The following NUP58 variants were observed in gnomAD, a reference collection of about 807,000 sequenced individuals.
NUP58 encodes the protein nucleoporin 58, also known as nucleoporin p58/p45.
Under a neutral mutation model 70.1 loss-of-function variants are expected in NUP58, and 17 were observed. That is an observed-to-expected ratio of 0.24 (90% CI 0.17 to 0.36). The LOEUF is 0.36. NUP58 is among the 10% of genes least tolerant of loss of function. The probability of loss-of-function intolerance (pLI) is 1.00; values close to 1 mark genes in which losing one functional copy is unlikely to be tolerated. For synonymous variants in NUP58, 275 were observed against 257.6 expected, an observed-to-expected ratio of 1.07 and a Z score of -0.65; for missense variants, 644 against 701.5, an observed-to-expected ratio of 0.92 and a Z score of 0.93.
downstream of NUP58, among the ~76,000 whole-genome samples, chr13:25,346,826 G>A (rs140163838): frequency 2.4e-3 from 367 of 151,864 alleles, 7 homozygotes; most frequent in East Asian, 0.055. Context: ...ATATGAATAT[G>A]GTTTATATTT....
At chr13:25,345,065 C>T (rs1012642239), downstream of NUP58, among the ~76,000 whole-genome samples, 3 of 152,326 alleles carry the variant, frequency 2.0e-5, no homozygotes, top group East Asian at 5.8e-4. Context: ...ATCACATCCC[C>T]ATTTATTGGG....
chr13:25,347,737 GT>G (rs984175313), intron 3 of NUP58, among the ~76,000 whole-genome samples: 18 of 152,140 alleles, frequency 1.2e-4, no homozygotes, highest in Middle Eastern at 3.2e-3. Flanking sequence ...AATGGAGCTT[GT>G]TTTTGTAGAT....
At chr13:25,314,231 C>T (rs1386962929) in intron 5 of NUP58, among the ~76,000 whole-genome samples, 4 of 152,132 alleles carry the variant, frequency 2.6e-5, no homozygotes, top group African/African-American at 9.7e-5. Context: ...CCGCACCCAG[C>T]CTATTAGCCA....
intron 9 of NUP58, 36 bp from the exon 10 acceptor site, chr13:25,324,953 C>CTTTTT: frequency 8.9e-7 from 1 of 1,117,730 alleles, no homozygotes; most frequent in East Asian, 2.5e-5. Flanking sequence ...TCTTAACTGG[C>CTTTTT]TTTTTTTTTT....
intron 9 of NUP58, among the ~76,000 whole-genome samples, chr13:25,322,240 T>C (rs1320712039): frequency 1.3e-5 from 2 of 152,248 alleles, no homozygotes; most frequent in African/African-American, 4.8e-5. Flanking sequence ...AGTGGTAGTA[T>C]TTTAAGTAAA....
chr13:25,342,873 G>A (rs1280995829), downstream of NUP58, among the ~76,000 whole-genome samples: 1 of 151,548 alleles, frequency 6.6e-6, no homozygotes, highest in Non-Finnish European at 1.5e-5. Flanking sequence ...TTGTGTTCTG[G>A]ACTTGTTCTT....
chr13:25,320,890 T>A (rs757865298), intron 8 of NUP58, 29 bp from the exon 9 acceptor site: 1 of 1,410,224 alleles, frequency 7.1e-7, no homozygotes, highest in African/African-American at 1.5e-5. Flanking sequence ...ATACATTTTT[T>A]AAAACTCAGT....
chr13:25,332,036 G>A, intron 13 of NUP58: 1 of 1,007,486 alleles, frequency 9.9e-7, no homozygotes, highest in Non-Finnish European at 1.2e-6. Flanking sequence ...ATTGACTGAA[G>A]GTATGTTGAA....
rs553700822 is a variant in NUP58 at position 25,326,623 on chromosome 13, C to G, written c.1032-293C>G. 2.0e-5 allele frequency among the ~76,000 whole-genome samples: 3 copies of G among 152,096 alleles called. No individual in the cohort carries two copies. In the East Asian group the frequency reaches 5.8e-4, roughly 29 times the overall value. ...TAACTTATAACTATAGTATAATTAC[C>G]AAGAACAGGAAACTAAAATTGTTAC... On this transcript the variant is annotated intron_variant, in intron 10 of 15. Coordinates refer to ENST00000381736, the MANE Select transcript of NUP58 (RefSeq NM_014089.4).
chr13:25,346,281 A>G (rs2032049136), downstream of NUP58, among the ~76,000 whole-genome samples: 1 of 152,162 alleles, frequency 6.6e-6, no homozygotes, highest in African/African-American at 2.4e-5. Flanking sequence ...TACAGGTGAG[A>G]AAACAGGCAC....
At chr13:25,349,526 T>C (rs2032083637) in intron 3 of NUP58, 1 of 152,620 alleles carries the variant, frequency 6.6e-6, no homozygotes, top group East Asian at 1.9e-4. Flanking sequence ...TATTAACTAT[T>C]GTCATAATAC....
rs1269658291 is a variant in NUP58 at position 25,337,000 on chromosome 13, G to T, written c.1500G>T (p.Leu500Phe). ...TCGGCTCAGGTATTGGCACTGGCTT[G>T]CAATCAAGTGGCTTAGGTTCTTCAA... is the stretch of plus-strand genomic sequence containing the variant. ...TPFGSGIGTG[L>F]QSSGLGSSNL... The change falls in exon 14 of 16, where the codon TTG (leucine) becomes TTT (phenylalanine). Residue 500 changes from leucine to phenylalanine, a missense_variant. Coordinates refer to ENST00000381736, the MANE Select transcript of NUP58 (RefSeq NM_014089.4). 2 of 1,607,506 alleles carry T rather than the reference G, an allele frequency of 1.2e-6. No individual in the cohort carries two copies. The highest frequency in any genetic ancestry group is 2.2e-5 in the South Asian group (2 of 90,380).
At chr13:25,309,690 T>C (rs1249615641) in intron 3 of NUP58, among the ~76,000 whole-genome samples, 3 of 152,154 alleles carry the variant, frequency 2.0e-5, no homozygotes, top group Non-Finnish European at 4.4e-5. Flanking sequence ...GGTATTGAAC[T>C]AATATCCAAA....
intron 4 of NUP58, 131 bp downstream of exon 4, chr13:25,313,163 A>G (rs771483320): frequency 3.7e-6 from 4 of 1,068,096 alleles, no homozygotes; most frequent in Admixed American, 2.8e-5. Context: ...TGAGCATTGA[A>G]GCAGGAGAGG....
rs544586544 is a variant in NUP58, at chr13:25,314,234, A to G, written c.574+483A>G. 1.5e-4 allele frequency among the ~76,000 whole-genome samples: 23 copies of G among 152,198 alleles called. No homozygotes were observed. The South Asian group carries it at 2.5e-3, about 17-fold the overall frequency. On this transcript the variant is annotated intron_variant, in intron 5 of 15. Coordinates refer to ENST00000381736, the MANE Select transcript of NUP58 (RefSeq NM_014089.4). The stretch of plus-strand genomic sequence containing the variant: ...AGGCGTAAGCCACCGCACCCAGCCT[A>G]TTAGCCATATTTTAGAAATACATTT...
At chr13:25,316,985 T>A (rs1294263116) in intron 6 of NUP58, among the ~76,000 whole-genome samples, 1 of 152,238 alleles carries the variant, frequency 6.6e-6, no homozygotes, top group Admixed American at 6.5e-5. Context: ...GGATCTCTGA[T>A]TACTACATCC....
In NUP58 at chr13:25,340,309, T is replaced by C. The variant is rs1220899795; in HGVS notation, c.*175T>C. On this transcript the variant is annotated 3_prime_UTR_variant, in exon 16 of 16. Coordinates refer to ENST00000381736, the MANE Select transcript of NUP58 (RefSeq NM_014089.4). ...TTGCCATACTGAACATCTTTTTTCT[T>C]GTGGAATTTAAAGTCCAGCTGTGTT... 1.8e-6 allele frequency: 1 copy of C among 563,726 alleles called. No individual in the cohort carries two copies. The highest frequency in any genetic ancestry group is 4.1e-5 in the Admixed American group (1 of 24,128). The allele number at this position is 563,726 out of a possible 1,614,324, so 34.9% of individuals were successfully genotyped here.
intron 13 of NUP58, among the ~76,000 whole-genome samples, chr13:25,336,622 A>G (rs956727529): frequency 2.4e-4 from 37 of 152,222 alleles, no homozygotes; most frequent in Non-Finnish European, 3.1e-4. Context: ...ATGATAATTT[A>G]TGATACATTA....
intron 9 of NUP58, among the ~76,000 whole-genome samples, chr13:25,322,763 G>A (rs2031239879): frequency 1.3e-5 from 2 of 151,912 alleles, no homozygotes; most frequent in South Asian, 4.2e-4. Context: ...TTTGAATATG[G>A]GATACTCAAC....
Sources: gnomAD v4.1 joint callset for allele counts (sites outside exome capture counted in the v4.1 genomes callset) on GRCh38, gnomAD v4.1.1 for gene constraint, MANE v1.5 for transcripts, NCBI Gene and HGNC (gene_info 2026-07-23, HGNC 2026-07-21) for gene names.